Variants in MAP4K4 observed in about 807,000 individuals in gnomAD.
MAP4K4 encodes the protein HPK/GCK-like kinase HGK.
A neutral mutation model predicts 189.6 loss-of-function variants in MAP4K4; 38 were observed. The observed-to-expected ratio is 0.20, with a 90% CI of 0.15 to 0.26. MAP4K4 has a LOEUF of 0.26. Among genes scored for constraint, MAP4K4 ranks in the 10% least tolerant of loss-of-function variants. MAP4K4 has a pLI of 1.00. For synonymous variants in MAP4K4, 610 were observed against 624.3 expected (o/e 0.98, Z 0.34); for missense variants, 1,054 against 1,726.9 (o/e 0.61, Z 6.91).
At chr2:101,833,766 A>T (rs1238635129) in intron 7 of MAP4K4, among the ~76,000 whole-genome samples, 1 of 152,248 alleles carries the variant, frequency 6.6e-6, no homozygotes, top group African/African-American at 2.4e-5. Flanking sequence ...GTAAAGTTTA[A>T]TTCAAATTTT....
intron 3 of MAP4K4, among the ~76,000 whole-genome samples, chr2:101,794,116 G>A (rs191813151): frequency 6.6e-6 from 1 of 152,092 alleles, no homozygotes; most frequent in African/African-American, 2.4e-5. Context: ...TTTTGGGAAG[G>A]GTTTAAGGAA....
chr2:101,888,389 T>C (rs2098518421), intron 31 of MAP4K4, among the ~76,000 whole-genome samples: 1 of 152,206 alleles, frequency 6.6e-6, no homozygotes, highest in Non-Finnish European at 1.5e-5. Flanking sequence ...AAGACCGATA[T>C]TTGACATTTT....
chr2:101,830,243 C>T (rs1370917413), intron 6 of MAP4K4, among the ~76,000 whole-genome samples: 1 of 152,078 alleles, frequency 6.6e-6, no homozygotes. Context: ...AATGTAAATT[C>T]TGGGAATGCA....
intron 2 of MAP4K4, among the ~76,000 whole-genome samples, chr2:101,757,134 A>G (rs1366567268): frequency 6.6e-6 from 1 of 152,146 alleles, no homozygotes; most frequent in African/African-American, 2.4e-5. Flanking sequence ...GATGTCTTTC[A>G]TGTGGGAGGC....
chr2:101,872,600 C>T (rs72991242), intron 24 of MAP4K4, among the ~76,000 whole-genome samples: 8,666 of 152,188 alleles, frequency 0.057, 663 homozygotes, highest in African/African-American at 0.17. Flanking sequence ...TCCTCTCCTC[C>T]GGAGGAGCAG....
At chr2:101,756,664 C>T (rs1482537220) in intron 2 of MAP4K4, among the ~76,000 whole-genome samples, 2 of 152,014 alleles carry the variant, frequency 1.3e-5, no homozygotes, top group Non-Finnish European at 2.9e-5. Flanking sequence ...AGGTGATCCT[C>T]CCACCTCAGC....
intron 2 of MAP4K4, among the ~76,000 whole-genome samples, chr2:101,778,300 C>G (rs1260887585): frequency 6.6e-6 from 1 of 152,214 alleles, no homozygotes; most frequent in Non-Finnish European, 1.5e-5. Context: ...GTGCTCACCT[C>G]TGCGTGTCTC....
chr2:101,817,963 C>A (rs1269014648), intron 3 of MAP4K4, among the ~76,000 whole-genome samples: 3 of 151,988 alleles, frequency 2.0e-5, no homozygotes, highest in Non-Finnish European at 4.4e-5. Context: ...TAATTTTGTT[C>A]TGGAATCTTT....
At chr2:101,870,618 C>T in intron 23 of MAP4K4, 1 of 580,774 alleles carries the variant, frequency 1.7e-6, no homozygotes, top group Non-Finnish European at 3.0e-6. Context: ...CTCCACCCCA[C>T]ATCGCTGCTC....
intron 2 of MAP4K4, among the ~76,000 whole-genome samples, chr2:101,743,032 G>A (rs1458381913): frequency 6.6e-6 from 1 of 152,128 alleles, no homozygotes; most frequent in Non-Finnish European, 1.5e-5. Context: ...TTTATATTCA[G>A]TTCTAACTTG....
exon 13 of MAP4K4, chr2:101,856,026 G>A (rs1282055770): frequency 3.9e-6 from 6 of 1,551,792 alleles, no homozygotes; most frequent in East Asian, 2.4e-5. Flanking sequence ...CGTGAACAGC[G>A]AAGGAGAGAA....
chr2:101,829,269 C>T (rs1299920884), intron 5 of MAP4K4, among the ~76,000 whole-genome samples: 3 of 152,118 alleles, frequency 2.0e-5, no homozygotes, highest in Non-Finnish European at 4.4e-5. Flanking sequence ...GAAGTGATCA[C>T]GTTGCTCACA....
chr2:101,731,096 A>T (rs1422539419), intron 2 of MAP4K4, among the ~76,000 whole-genome samples: 1 of 151,614 alleles, frequency 6.6e-6, no homozygotes, highest in African/African-American at 2.4e-5. Flanking sequence ...TTTGAATGTG[A>T]CAGTAATTTA....
chr2:101,882,499 A>G (rs1269785236), intron 27 of MAP4K4, 52 bp from the exon 28 acceptor site: 6 of 1,387,158 alleles, frequency 4.3e-6, no homozygotes, highest in Non-Finnish European at 5.8e-6. Flanking sequence ...GTTATTAATG[A>G]TGAGACCTAC....
chr2:101,802,518 G>A (rs1050089079), intron 3 of MAP4K4, among the ~76,000 whole-genome samples: 2 of 151,890 alleles, frequency 1.3e-5, no homozygotes, highest in African/African-American at 4.8e-5. Flanking sequence ...CACCCTGCTC[G>A]CCTGATCCCG....
chr2:101,745,328 A>ACCC lies in MAP4K4; in HGVS notation c.124-45381_124-45379dup, dbSNP rs1210718503. On this transcript the variant is annotated intron_variant, in intron 2 of 32. Transcript: ENST00000324219. Reference sequence around the variant, plus strand: ...AAATATGGAAAAAAGTGAAAATATCACCCCCCCCCCCCCAATACTGCTGTC... The same window carrying ACCC: ...AAATATGGAAAAAAGTGAAAATATCACCCCCCCCCCCCCCCCAATACTGCTGTC... Among the ~76,000 whole-genome samples, 58 of 54,872 alleles carry ACCC rather than the reference A, an allele frequency of 1.1e-3. 5 individuals carry two copies. The highest frequency in any genetic ancestry group is 5.2e-3 in the African/African-American group (50 of 9,694). The allele number at this position is 54,872 out of a possible 152,430, so 36.0% of individuals were successfully genotyped here.
chr2:101,835,246 A>G (rs1185741274), intron 8 of MAP4K4, among the ~76,000 whole-genome samples: 1 of 152,194 alleles, frequency 6.6e-6, no homozygotes, highest in African/African-American at 2.4e-5. Context: ...CACAAGGGGA[A>G]TAGTATTGTC....
chr2:101,838,488 C>A (rs2096828084), intron 9 of MAP4K4, among the ~76,000 whole-genome samples: 1 of 152,152 alleles, frequency 6.6e-6, no homozygotes. Flanking sequence ...ACTCATTATT[C>A]TCTAACACTT....
intron 3 of MAP4K4, chr2:101,797,100 A>G (rs2093778541): frequency 1.3e-5 from 8 of 618,726 alleles, no homozygotes; most frequent in African/African-American, 1.9e-5. Flanking sequence ...ACAAGGCCAT[A>G]TAACACTGAA....
Sources: allele counts gnomAD v4.1 joint callset (sites outside exome capture counted in the v4.1 genomes callset), GRCh38; gene constraint gnomAD v4.1.1; transcripts MANE v1.5; gene names NCBI Gene and HGNC (gene_info 2026-07-23, HGNC 2026-07-21).